Variants in ABCC1 observed in about 807,000 individuals in gnomAD.
ABCC1 encodes ATP binding cassette subfamily C member 1 (ABCC1 blood group).
ABCC1 carries 83 observed loss-of-function variants against 172.9 expected under a neutral mutation model. That is an observed-to-expected ratio of 0.48 (90% CI 0.40 to 0.58). The LOEUF (loss-of-function observed/expected upper bound fraction) is 0.58. Among genes scored for constraint, ABCC1 ranks in the 20% least tolerant of loss-of-function variants. The pLI, the probability that ABCC1 is intolerant of heterozygous loss-of-function variation, is 0.00. For missense variants in ABCC1, 1,817 were observed against 2,002.7 expected (o/e 0.91, Z 1.77); for synonymous variants, 937 against 825.2 (o/e 1.14, Z -2.32).
chr16:16,006,310 T>A (rs2047528699), intron 1 of ABCC1, among the ~76,000 whole-genome samples: 1 of 152,054 alleles, frequency 6.6e-6, no homozygotes, highest in East Asian at 1.9e-4. Flanking sequence ...GTATAGCTGC[T>A]TGGGAGGCAG....
At position 16,015,525 on chromosome 16, in the gene ABCC1, C is replaced by A. The variant is rs45573443; in HGVS notation, c.489+897C>A. ...CATGAGGCAAAGGAAGGAAAAGAAG[C>A]TGAACATTTGACTATTGATTGCCTA... On this transcript the variant is annotated intron_variant, in intron 4 of 30. Transcript: ENST00000399410. Among the ~76,000 whole-genome samples, 401 of 152,308 alleles carry A rather than the reference C, an allele frequency of 2.6e-3. 1 individual carries two copies. Among genetic ancestry groups the A allele is most frequent in the African/African-American group, 8.8e-3 (365 of 41,572 alleles).
chr16:16,078,987 T>A (rs942186079), intron 15 of ABCC1, among the ~76,000 whole-genome samples: 8 of 152,260 alleles, frequency 5.3e-5, no homozygotes, highest in Admixed American at 1.3e-4. Context: ...CCGGCCCCAG[T>A]TTGTCTTGAG....
intron 1 of ABCC1, among the ~76,000 whole-genome samples, chr16:15,975,542 TTTTTTTTG>T (rs1382538737): frequency 1.2e-5 from 1 of 80,208 alleles, no homozygotes; most frequent in African/African-American, 3.7e-5. Flanking sequence ...TTTGTGGTGG[TTTTTTTTG>T]TTTTTTTTGT....
intron 1 of ABCC1, among the ~76,000 whole-genome samples, chr16:15,982,826 G>GAAAAAAAAAAAAAAAAAAAAAAA (rs1272269895): frequency 6.9e-5 from 3 of 43,694 alleles, no homozygotes; most frequent in East Asian, 5.2e-4. Context: ...AAAAAAAAAG[G>GAAAAAAAAAAAAAAAAAAAAAAA]AAATCCATTC....
intron 22 of ABCC1, among the ~76,000 whole-genome samples, chr16:16,112,979 G>A (rs2044687249): frequency 6.6e-6 from 1 of 152,208 alleles, no homozygotes; most frequent in Non-Finnish European, 1.5e-5. Flanking sequence ...TTGAGCCCCT[G>A]CCTATTGGGT....
intron 1 of ABCC1, among the ~76,000 whole-genome samples, chr16:16,002,136 G>A (rs908924661): frequency 2.0e-5 from 3 of 152,180 alleles, no homozygotes; most frequent in African/African-American, 7.2e-5. Context: ...TGGAAGTCAA[G>A]TTCATCCCTA....
In ABCC1 at chr16:16,106,805, C is replaced by T; in HGVS notation, c.2803C>T (p.Gln935Ter). 6.2e-7 allele frequency: 1 copy of T among 1,614,122 alleles called. No homozygotes were observed. The highest frequency in any genetic ancestry group is 8.5e-7 in the Non-Finnish European group (1 of 1,180,038). The change falls in exon 21 of 31, where the codon CAG (glutamine) becomes TAG (stop). Residue 935 changes from glutamine (Q) to a stop codon, truncating the protein, a stop_gained. Transcript: ENST00000399410. LOFTEE classifies it high-confidence loss of function. ...GCACCACAACAGCACCGCAGAACTG[C>T]AGAAAGCTGAGGCCAAGAAGGAGGA... is the stretch of plus-strand genomic sequence containing the variant. ...SRHHNSTAELQKAEAKKEETW... is the reference protein window; with the variant it reads ...SRHHNSTAEL
chr16:15,983,748 G>A (rs1036735463), intron 1 of ABCC1, among the ~76,000 whole-genome samples: 1 of 150,462 alleles, frequency 6.6e-6, no homozygotes, highest in Non-Finnish European at 1.5e-5. Flanking sequence ...TGGAGACGGG[G>A]TTTCATCATG....
chr16:16,127,669 G>A (rs368305216), intron 26 of ABCC1, among the ~76,000 whole-genome samples: 3 of 152,228 alleles, frequency 2.0e-5, no homozygotes, highest in Non-Finnish European at 2.9e-5. Context: ...CATGCTACCC[G>A]GCCTCCTGAG....
chr16:15,960,664 CGG>C (rs2046106520), intron 1 of ABCC1, among the ~76,000 whole-genome samples: 1 of 152,080 alleles, frequency 6.6e-6, no homozygotes, highest in Non-Finnish European at 1.5e-5. Context: ...CTTTCGGAGG[CGG>C]TGAGGTTTGA....
chr16:16,053,215 AC>A (rs2049504665), intron 11 of ABCC1, among the ~76,000 whole-genome samples: 1 of 151,264 alleles, frequency 6.6e-6, no homozygotes, highest in African/African-American at 2.4e-5. Flanking sequence ...AGTACAAATT[AC>A]CCCCTACTTT....
intron 1 of ABCC1, among the ~76,000 whole-genome samples, chr16:15,998,708 C>T (rs2047142974): frequency 6.6e-6 from 1 of 152,182 alleles, no homozygotes; most frequent in Non-Finnish European, 1.5e-5. Flanking sequence ...TTCCTTTGCT[C>T]AGCGTTTCCT....
intron 19 of ABCC1, among the ~76,000 whole-genome samples, chr16:16,093,322 T>A (rs2051327894): frequency 6.6e-6 from 1 of 152,080 alleles, no homozygotes; most frequent in Non-Finnish European, 1.5e-5. Flanking sequence ...TCTCTACCCT[T>A]CCGTCCAGGT....
At chr16:16,053,048 T>A (rs982062353) in intron 11 of ABCC1, among the ~76,000 whole-genome samples, 2 of 152,176 alleles carry the variant, frequency 1.3e-5, no homozygotes, top group African/African-American at 4.8e-5. Flanking sequence ...GCTTCCCAGG[T>A]CATTATATTG....
rs1343414551 is a variant in ABCC1 at position 15,949,711 on chromosome 16, T to G, written c.-41T>G. ...CGCCCGCGCCAGCAACCGGGCCCGA[T>G]CACCCGCCGCCCGGTGCCCGCCGCC... On this transcript the variant is annotated 5_prime_UTR_variant, in exon 1 of 31. Transcript: ENST00000399410. 9.1e-7 allele frequency: 1 copy of G among 1,101,486 alleles called. No homozygotes were observed. Among genetic ancestry groups the G allele is most frequent in the African/African-American group, 1.7e-5 (1 of 58,756 alleles). 68.2% of individuals were successfully genotyped at this position (1,101,486 alleles called of 1,614,324 possible).
intron 1 of ABCC1, among the ~76,000 whole-genome samples, chr16:15,979,931 G>A (rs557877975): frequency 3.9e-4 from 60 of 152,102 alleles, no homozygotes; most frequent in Non-Finnish European, 6.5e-4. Flanking sequence ...GGTACTTCCT[G>A]ATTACTTGCC....
chr16:16,083,580 G>T, intron 17 of ABCC1, 38 bp downstream of exon 17: 1 of 1,588,856 alleles, frequency 6.3e-7, no homozygotes. Flanking sequence ...GAATCAGTCA[G>T]CTGTTGCCGC....
At chr16:16,030,457 G>A (rs1216101510) in intron 5 of ABCC1, among the ~76,000 whole-genome samples, 9 of 152,070 alleles carry the variant, frequency 5.9e-5, no homozygotes, top group Non-Finnish European at 1.0e-4. Context: ...CCCAGGAGGC[G>A]GAGTTTGCAG....
chr16:16,040,185 T>A (rs999558741), intron 7 of ABCC1, among the ~76,000 whole-genome samples: 1 of 151,988 alleles, frequency 6.6e-6, no homozygotes, highest in Non-Finnish European at 1.5e-5. Flanking sequence ...AGCCTGGAAA[T>A]TCCGGGCTCA....
Sources: allele counts gnomAD v4.1 joint callset (sites outside exome capture counted in the v4.1 genomes callset), GRCh38; gene constraint gnomAD v4.1.1; transcripts MANE v1.5; gene names NCBI Gene and HGNC (gene_info 2026-07-23, HGNC 2026-07-21).